The following RARB variants were observed in gnomAD, a reference collection of about 807,000 sequenced individuals.
The protein encoded by RARB is HBV-activated protein.
RARB carries 17 observed loss-of-function variants against 51.9 expected under a neutral mutation model. The ratio of observed to expected loss-of-function variants is 0.33; its 90% CI spans 0.22 to 0.49. The LOEUF (loss-of-function observed/expected upper bound fraction) is 0.49. RARB is among the 20% of genes least tolerant of loss of function. The pLI, the probability that RARB is intolerant of heterozygous loss-of-function variation, is 0.99. For missense variants in RARB, 369 were observed against 550.8 expected (o/e 0.67, Z 3.30); for synonymous variants, 215 against 195.4 (o/e 1.10, Z -0.84).
chr3:25,136,573 C>T (rs556672974), intron 4 of RARB, among the ~76,000 whole-genome samples: 2 of 152,122 alleles, frequency 1.3e-5, no homozygotes, highest in Non-Finnish European at 2.9e-5. Flanking sequence ...CAATGCATCA[C>T]TAATTATGTG....
chr3:25,348,450 G>T (rs1183415098), intron 5 of RARB, among the ~76,000 whole-genome samples: 2 of 135,556 alleles, frequency 1.5e-5, no homozygotes, highest in African/African-American at 5.6e-5. Flanking sequence ...AGGCTTGTTG[G>T]CTTCTTTGCA....
intron 1 of RARB, among the ~76,000 whole-genome samples, chr3:25,443,334 T>C (rs997509302): frequency 6.6e-6 from 1 of 152,128 alleles, no homozygotes; most frequent in Non-Finnish European, 1.5e-5. Context: ...CTACTGGCAC[T>C]TACTTTGAGG....
In RARB at chr3:25,132,883, AAAAAT is replaced by A. The variant is rs541312552; in HGVS notation, c.-280+681_-280+685del. Among the ~76,000 whole-genome samples the A allele has an allele frequency of 1.5e-3, 224 of 152,074 alleles. 1 individual carries two copies. The highest frequency in any genetic ancestry group is 5.3e-3 in the African/African-American group (219 of 41,520). ...AAAAATAAAACTTTAAAACATTTTT[AAAAAT>A]AAAATTAAAGCCTTTGGAAAAAAGA... On this transcript the variant is annotated intron_variant, in intron 4 of 11. Transcript: ENST00000383772.
At chr3:25,086,402 A>C (rs1454674248) in intron 3 of RARB, among the ~76,000 whole-genome samples, 3 of 152,226 alleles carry the variant, frequency 2.0e-5, no homozygotes, top group African/African-American at 7.2e-5. Flanking sequence ...TAACGTAAGA[A>C]GGTGATTGAG....
chr3:25,478,734 A>G (rs1012888737), intron 2 of RARB, among the ~76,000 whole-genome samples: 3 of 152,234 alleles, frequency 2.0e-5, no homozygotes, highest in African/African-American at 4.8e-5. Flanking sequence ...TGCCAGCTTT[A>G]TGGAAACAGA....
rs534666765 is a variant in RARB, at chr3:25,327,444, A to G, written c.179-133749A>G. On this transcript the variant is annotated intron_variant, in intron 5 of 11. Coordinates refer to the RARB transcript ENST00000383772. ...AGACATCAGACTTTTTAATAGCTACATTAGAAGAGAGAAAAACAAAAAGGC... is the reference window on the plus strand; with the variant it reads ...AGACATCAGACTTTTTAATAGCTACGTTAGAAGAGAGAAAAACAAAAAGGC... Among the ~76,000 whole-genome samples the G allele has an allele frequency of 2.6e-5, 4 of 152,328 alleles. No individual in the cohort carries two copies. The South Asian group carries it at 8.3e-4, about 32-fold the overall frequency.
chr3:25,185,135 A>G (rs1017438981), intron 5 of RARB, among the ~76,000 whole-genome samples: 1 of 152,172 alleles, frequency 6.6e-6, no homozygotes, highest in African/African-American at 2.4e-5. Context: ...TAGAGCTTAT[A>G]CCCTGCCAAG....
intron 5 of RARB, among the ~76,000 whole-genome samples, chr3:25,315,505 T>C (rs886238635): frequency 6.6e-6 from 1 of 152,164 alleles, no homozygotes; most frequent in East Asian, 1.9e-4. Context: ...TCCACTTATC[T>C]TTTTACCTAA....
At chr3:24,857,583 C>T (rs1702658151) in intron 1 of RARB, among the ~76,000 whole-genome samples, 1 of 152,166 alleles carries the variant, frequency 6.6e-6, no homozygotes, top group African/African-American at 2.4e-5. Context: ...CGTATTTTTA[C>T]TTGTAAATTC....
chr3:25,569,552 A>G (rs1700629125), intron 3 of RARB, among the ~76,000 whole-genome samples: 1 of 152,196 alleles, frequency 6.6e-6, no homozygotes, highest in Non-Finnish European at 1.5e-5. Context: ...ACATGCATAT[A>G]CAGAAAGACA....
intron 1 of RARB, among the ~76,000 whole-genome samples, chr3:24,847,460 T>C (rs1381051115): frequency 6.6e-6 from 1 of 152,220 alleles, no homozygotes; most frequent in Non-Finnish European, 1.5e-5. Context: ...TTTCCTTATG[T>C]GAAGACCACA....
chr3:25,282,844 C>T (rs183010107), intron 5 of RARB, among the ~76,000 whole-genome samples: 15 of 152,296 alleles, frequency 9.8e-5, no homozygotes, highest in African/African-American at 3.4e-4. Flanking sequence ...CTTGGATACC[C>T]GATGGCTTCT....
At chr3:25,261,578 A>C (rs1227221736) in intron 5 of RARB, among the ~76,000 whole-genome samples, 1 of 152,104 alleles carries the variant, frequency 6.6e-6, no homozygotes, top group Non-Finnish European at 1.5e-5. Flanking sequence ...AATCCACCTC[A>C]TCAGTTCAGG....
At chr3:25,301,785 A>T (rs920978640) in intron 5 of RARB, among the ~76,000 whole-genome samples, 1 of 152,206 alleles carries the variant, frequency 6.6e-6, no homozygotes, top group Non-Finnish European at 1.5e-5. Context: ...GCCACAGTGG[A>T]AAGTGGCACT....
At chr3:25,516,293 A>G (rs1178279029) in intron 3 of RARB, among the ~76,000 whole-genome samples, 1 of 152,232 alleles carries the variant, frequency 6.6e-6, no homozygotes, top group Non-Finnish European at 1.5e-5. Flanking sequence ...AAGATAATGT[A>G]AGAATTGTTA....
chr3:25,504,770 CTTTTT>C lies in RARB; in HGVS notation c.448+3464_448+3468del, dbSNP rs61498243. On this transcript the variant is annotated intron_variant, in intron 3 of 7. Transcript: ENST00000330688. ...TATGTGCCAAGTATTACATTAACCA[CTTTTT>C]TTTTTTTTTTTTTTTTGTGTCACCC... Among the ~76,000 whole-genome samples, 234 of 126,012 alleles carry C rather than the reference CTTTTT, an allele frequency of 1.9e-3. 1 individual carries two copies. The highest frequency in any genetic ancestry group is 5.6e-3 in the South Asian group (23 of 4,076). The allele number at this position is 126,012 out of a possible 152,430, so 82.7% of individuals were successfully genotyped here.
At chr3:24,958,254 GGTTT>G (rs1696060717) in intron 2 of RARB, among the ~76,000 whole-genome samples, 1 of 67,408 alleles carries the variant, frequency 1.5e-5, no homozygotes, top group African/African-American at 6.2e-5. Context: ...GAGCTGCTCA[GGTTT>G]TTTTTTTTTT....
intron 5 of RARB, among the ~76,000 whole-genome samples, chr3:25,250,338 G>A (rs1446857853): frequency 1.3e-5 from 2 of 152,322 alleles, no homozygotes; most frequent in South Asian, 2.1e-4. Context: ...AGGGTAGACA[G>A]GGATAGGGTA....
At chr3:25,506,252 CAAAAAAAAAAAAAA>C (rs35856686) in intron 3 of RARB, among the ~76,000 whole-genome samples, 3 of 57,764 alleles carry the variant, frequency 5.2e-5, no homozygotes, top group South Asian at 9.3e-4. Flanking sequence ...GACTCCATCT[CAAAAAAAAAAAAAA>C]AAAAAAAAAA....
Sources: gnomAD v4.1 joint callset for allele counts (sites outside exome capture counted in the v4.1 genomes callset) on GRCh38, gnomAD v4.1.1 for gene constraint, MANE v1.5 for transcripts, NCBI Gene and HGNC (gene_info 2026-07-23, HGNC 2026-07-21) for gene names.